The following RAPH1 variants were observed in gnomAD, a reference collection of about 807,000 sequenced individuals.
RAPH1 encodes Ras association (RalGDS/AF-6) and pleckstrin homology domains 1, also known as ras-associated and pleckstrin homology domains-containing protein 1.
Under a neutral mutation model 88.1 loss-of-function variants are expected in RAPH1, and 18 were observed. The ratio of observed to expected loss-of-function variants is 0.20; its 90% CI spans 0.14 to 0.30. The LOEUF (loss-of-function observed/expected upper bound fraction) is 0.30. Among genes scored for constraint, RAPH1 ranks in the 10% least tolerant of loss-of-function variants. RAPH1 has a pLI of 1.00. For missense variants in RAPH1, 1,448 were observed against 1,543.2 expected, an observed-to-expected ratio of 0.94 and a Z score of 1.03; for synonymous variants, 587 against 559.0, an observed-to-expected ratio of 1.05 and a Z score of -0.71.
intron 1 of RAPH1, among the ~76,000 whole-genome samples, chr2:203,526,245 G>C (rs1690108953): frequency 6.6e-6 from 1 of 152,064 alleles, no homozygotes; most frequent in Non-Finnish European, 1.5e-5. Flanking sequence ...TTTTATTACT[G>C]TATGTGTTGA....
intron 4 of RAPH1, among the ~76,000 whole-genome samples, chr2:203,475,072 C>T (rs1223816037): frequency 6.6e-6 from 1 of 152,140 alleles, no homozygotes; most frequent in Non-Finnish European, 1.5e-5. Flanking sequence ...GATGGCACCA[C>T]TGTACTACAG....
intron 4 of RAPH1, among the ~76,000 whole-genome samples, chr2:203,468,993 A>G (rs889577997): frequency 1.3e-5 from 2 of 152,354 alleles, no homozygotes; most frequent in South Asian, 4.1e-4. Flanking sequence ...CAGAAACAGA[A>G]AAGATGACAA....
chr2:203,534,500 CTCCGT>C (rs1690524681), intron 1 of RAPH1, among the ~76,000 whole-genome samples: 5 of 84,726 alleles, frequency 5.9e-5, no homozygotes, highest in African/African-American at 3.8e-5. Context: ...TGCCCCCTCC[CTCCGT>C]CCACCCCCCC....
chr2:203,529,001 ATATATTTTTTTTT>A (rs1690257790), intron 1 of RAPH1, among the ~76,000 whole-genome samples: 1 of 80,666 alleles, frequency 1.2e-5, no homozygotes, highest in Non-Finnish European at 2.2e-5. Context: ...ATATATATAT[ATATATTTTTTTTT>A]TTTTTTTTTT....
chr2:203,471,234 G>A (rs1205157571), intron 4 of RAPH1, among the ~76,000 whole-genome samples: 9 of 152,116 alleles, frequency 5.9e-5, no homozygotes, highest in Non-Finnish European at 1.5e-5. Context: ...CTGAGTAAAA[G>A]TATAGAAAAT....
In RAPH1 at chr2:203,495,240, G is replaced by A. The variant is rs931136023; in HGVS notation, c.114C>T (p.Leu38=). The part of the protein sequence containing the change: ...FGAWLGELDK[L]TQSLDSDKPM... ...TTTTTCAAGCACTACTCACCTGAGTGAGTTTGTCTAGTTCTCCAAGCCAGG... is the reference window on the plus strand; with the variant it reads ...TTTTTCAAGCACTACTCACCTGAGTAAGTTTGTCTAGTTCTCCAAGCCAGG... The change falls in exon 2 of 14, where the codon CTC becomes CTT. Residue 38 remains leucine (L), a synonymous_variant. Coordinates refer to ENST00000319170, the MANE Select transcript of RAPH1 (RefSeq NM_213589.3). The A allele has an allele frequency of 1.9e-6, 3 of 1,613,904 alleles. No homozygotes were observed. The African/African-American group carries it at 4.0e-5, about 22-fold the overall frequency.
intron 2 of RAPH1, among the ~76,000 whole-genome samples, chr2:203,493,070 A>C (rs1038574273): frequency 1.3e-5 from 2 of 152,190 alleles, no homozygotes; most frequent in African/African-American, 4.8e-5. Context: ...TTTAGCCACA[A>C]ACTTTGTAAA....
chr2:203,461,935 C>A lies in RAPH1; in HGVS notation c.733-10G>T. The stretch of plus-strand genomic sequence containing the variant: ...TTGCTGCCTGTTCTTCCTGTGAACA[C>A]AAAGCATTTCAGATAAACAATGCTA... On this transcript the variant is annotated splice_polypyrimidine_tract_variant and intron_variant, in intron 4 of 13. Transcript: ENST00000319170. The A allele has an allele frequency of 1.2e-6, 2 of 1,601,108 alleles. No homozygotes were observed. Among genetic ancestry groups the A allele is most frequent in the Non-Finnish European group, 1.7e-6 (2 of 1,172,854 alleles).
intron 4 of RAPH1, among the ~76,000 whole-genome samples, chr2:203,488,741 G>A (rs1036088018): frequency 1.3e-5 from 2 of 152,030 alleles, no homozygotes; most frequent in African/African-American, 4.8e-5. Context: ...AAGGTCCCAT[G>A]GGTAGTGAGT....
intron 8 of RAPH1, among the ~76,000 whole-genome samples, chr2:203,456,544 CAT>C (rs1274679391): frequency 6.6e-6 from 1 of 152,066 alleles, no homozygotes; most frequent in African/African-American, 2.4e-5. Flanking sequence ...AGAAATCAAT[CAT>C]GTATTTGTGA....
In RAPH1 at chr2:203,447,953, A is replaced by C. The variant is rs770727320; in HGVS notation, c.1633+6T>G. 4.8e-5 allele frequency: 77 copies of C among 1,613,686 alleles called. No homozygotes were observed. The highest frequency in any genetic ancestry group is 6.3e-5 in the Non-Finnish European group (74 of 1,179,840). ...CAAAATAGTGCTTTGAAGCATTTTG[A>C]ACTACCTGGGATGCTGGAAGAACTG... On this transcript the variant is annotated splice_donor_region_variant and intron_variant, in intron 12 of 13. Coordinates refer to ENST00000319170, the MANE Select transcript of RAPH1 (RefSeq NM_213589.3).
rs1290391197 is a variant in RAPH1, at chr2:203,506,857, TA to T, written c.1-11505del. 4.3e-5 allele frequency among the ~76,000 whole-genome samples: 2 copies of T among 46,926 alleles called. 1 individual carries two copies. Among genetic ancestry groups the T allele is most frequent in the African/African-American group, 1.8e-4 (2 of 10,952 alleles). The allele number at this position is 46,926 out of a possible 152,430, so 30.8% of individuals were successfully genotyped here. A position where few individuals can be genotyped will look rare whatever the true frequency, so the allele number is the denominator to read the frequency against. ...CTATATCTATATATCTATCTATATC[TA>T]TATATATATATATATATATATAGAT... On this transcript the variant is annotated intron_variant, in intron 1 of 13. Transcript: ENST00000319170.
intron 1 of RAPH1, among the ~76,000 whole-genome samples, chr2:203,529,185 C>T (rs1448141155): frequency 6.6e-6 from 1 of 151,106 alleles, no homozygotes; most frequent in African/African-American, 2.4e-5. Flanking sequence ...TTGCCATGTT[C>T]AGGCTGGTCC....
At chr2:203,459,070 C>T (rs562326064) in intron 7 of RAPH1, among the ~76,000 whole-genome samples, 302 of 151,642 alleles carry the variant, frequency 2.0e-3, no homozygotes, top group African/African-American at 6.6e-3. Flanking sequence ...GGGGTTTCAC[C>T]GTGTTAGCCA....
chr2:203,518,014 C>T (rs1689694898), intron 1 of RAPH1, among the ~76,000 whole-genome samples: 1 of 151,768 alleles, frequency 6.6e-6, no homozygotes, highest in African/African-American at 2.4e-5. Flanking sequence ...AGAATCTGAG[C>T]AGAAATCAAT....
chr2:203,514,212 G>A (rs922431869), intron 1 of RAPH1, among the ~76,000 whole-genome samples: 4 of 152,158 alleles, frequency 2.6e-5, no homozygotes, highest in African/African-American at 9.6e-5. Flanking sequence ...CTTAAGGGGA[G>A]GGAGCAGTTT....
rs201774741 is a variant in RAPH1, at chr2:203,441,389, G to A, written c.1801C>T (p.Pro601Ser). The A allele has an allele frequency of 4.6e-4, 722 of 1,565,894 alleles. 11 individuals are homozygous for A. The South Asian group carries it at 8.1e-3, about 17-fold the overall frequency. The change falls in exon 14 of 14, where the codon CCC becomes TCC. Residue 601 changes from proline to serine, a missense_variant. Pro to Ser is a moderately conservative substitution (Grantham distance 74). Transcript: ENST00000319170. ...SKARMESMNR[P>S]YTSLVPPLSP... ...AAAGGGGGCACAAGTGAAGTGTAGG[G>A]CCGATTCATAGACTCCATTCTGGCC...
intron 4 of RAPH1, among the ~76,000 whole-genome samples, chr2:203,467,705 G>C (rs777797085): frequency 1.1e-4 from 16 of 152,160 alleles, no homozygotes; most frequent in Non-Finnish European, 1.9e-4. Context: ...TTTTGGTATT[G>C]ATTTGGGTCC....
intron 4 of RAPH1, 86 bp downstream of exon 4, chr2:203,489,498 T>A (rs1688144485): frequency 9.9e-7 from 1 of 1,007,176 alleles, no homozygotes; most frequent in Non-Finnish European, 1.3e-6. Flanking sequence ...TGTAGAAGAA[T>A]TTAAGAAGTT....
Sources: gnomAD v4.1 joint callset for allele counts (sites outside exome capture counted in the v4.1 genomes callset) on GRCh38, gnomAD v4.1.1 for gene constraint, MANE v1.5 for transcripts, NCBI Gene and HGNC (gene_info 2026-07-23, HGNC 2026-07-21) for gene names.